LRMDA: variants seen among roughly 807,000 people sequenced by gnomAD.
The protein encoded by LRMDA is leucine rich melanocyte differentiation associated.
In LRMDA, 18 loss-of-function variants were observed where a neutral mutation model predicts 29.8. The ratio of observed to expected loss-of-function variants is 0.60; its 90% CI spans 0.42 to 0.90. The LOEUF is 0.90. LRMDA is among the 40% of genes least tolerant of loss of function. The probability of loss-of-function intolerance (pLI) is 0.00; values close to 1 mark genes in which losing one functional copy is unlikely to be tolerated. For synonymous variants in LRMDA, 125 were observed against 109.4 expected (o/e 1.14, Z -0.89); for missense variants, 273 against 273.9 (o/e 1.00, Z 0.02).
At chr10:75,650,070 GC>G (rs1172498790) in intron 2 of LRMDA, among the ~76,000 whole-genome samples, 1 of 152,142 alleles carries the variant, frequency 6.6e-6, no homozygotes, top group Non-Finnish European at 1.5e-5. Context: ...TCCATAGGTT[GC>G]CTTTGTACTC....
intron 2 of LRMDA, among the ~76,000 whole-genome samples, chr10:76,027,483 G>A (rs1022128577): frequency 3.9e-5 from 6 of 152,220 alleles, no homozygotes; most frequent in East Asian, 1.9e-4. Context: ...GGGGGTTAAC[G>A]GTATGTATCT....
chr10:75,925,689 C>CA (rs2132395021), intron 2 of LRMDA, among the ~76,000 whole-genome samples: 1 of 140,528 alleles, frequency 7.1e-6, no homozygotes, highest in Non-Finnish European at 1.6e-5. Context: ...TTTTTGGAGA[C>CA]AGAGTCTCGC....
chr10:75,560,329 CTGTT>C (rs1159515327), intron 2 of LRMDA, among the ~76,000 whole-genome samples: 8 of 151,898 alleles, frequency 5.3e-5, no homozygotes, highest in Non-Finnish European at 4.4e-5. Context: ...ATTTGGCTCT[CTGTT>C]TGTCTGTTAT....
intron 2 of LRMDA, among the ~76,000 whole-genome samples, chr10:75,928,992 G>T (rs1846165110): frequency 6.6e-6 from 1 of 152,210 alleles, no homozygotes; most frequent in South Asian, 2.1e-4. Context: ...AACATAGGTT[G>T]TCAAACCACC....
At chr10:75,668,684 C>T (rs1411736773) in intron 2 of LRMDA, among the ~76,000 whole-genome samples, 1 of 152,090 alleles carries the variant, frequency 6.6e-6, no homozygotes, top group Non-Finnish European at 1.5e-5. Flanking sequence ...AACTTTAGTG[C>T]TAAACTTCAC....
At chr10:76,374,912 A>G (rs1054499013) in intron 6 of LRMDA, among the ~76,000 whole-genome samples, 2 of 152,170 alleles carry the variant, frequency 1.3e-5, no homozygotes, top group African/African-American at 4.8e-5. Flanking sequence ...TTGGATTTTT[A>G]TAAAGATTTT....
chr10:75,886,292 C>T (rs140158986), intron 2 of LRMDA, among the ~76,000 whole-genome samples: 8 of 152,314 alleles, frequency 5.3e-5, no homozygotes, highest in African/African-American at 1.9e-4. Flanking sequence ...TTTGGCTGAA[C>T]AGTGTATGGA....
intron 6 of LRMDA, among the ~76,000 whole-genome samples, chr10:76,482,098 A>C (rs1279007587): frequency 6.6e-6 from 1 of 151,870 alleles, no homozygotes; most frequent in Non-Finnish European, 1.5e-5. Flanking sequence ...CTTGGTTCAT[A>C]ACATGATAAT....
At chr10:75,963,924 T>C (rs776062844) in intron 2 of LRMDA, among the ~76,000 whole-genome samples, 113 of 152,248 alleles carry the variant, frequency 7.4e-4, no homozygotes, top group Non-Finnish European at 1.5e-3. Context: ...GGTGGCAGGC[T>C]TGCTTTAATC....
At chr10:76,382,333 G>T (rs1289283930) in intron 6 of LRMDA, among the ~76,000 whole-genome samples, 6 of 152,194 alleles carry the variant, frequency 3.9e-5, no homozygotes, top group African/African-American at 1.4e-4. Context: ...TGAGTTATGA[G>T]TTGAGAATGA....
intron 2 of LRMDA, chr10:75,882,804 C>G (rs1845316863): frequency 6.6e-6 from 1 of 152,350 alleles, no homozygotes; most frequent in Admixed American, 6.5e-5. Flanking sequence ...TCCTCTCCCC[C>G]TTCCAGGGCC....
In LRMDA at chr10:76,363,215, A is replaced by AGAGAGAG. The variant is rs1554815873; in HGVS notation, c.601+38730_601+38731insGAGAGAG. Among the ~76,000 whole-genome samples, 27 of 25,002 alleles carry AGAGAGAG rather than the reference A, an allele frequency of 1.1e-3. 6 individuals are homozygous for AGAGAGAG. The highest frequency in any genetic ancestry group is 3.6e-3 in the African/African-American group (17 of 4,676). 16.4% of individuals were successfully genotyped at this position (25,002 alleles called of 152,430 possible). A position where few individuals can be genotyped will look rare whatever the true frequency, so the allele number is the denominator to read the frequency against. ...GAGGGAGGGAGGGAGGGAGGGAAGG[A>AGAGAGAG]AGAGAAAGAAAGAAAGAAAGAAAGA... On this transcript the variant is annotated intron_variant, in intron 6 of 6. Coordinates refer to ENST00000611255, the MANE Select transcript of LRMDA (RefSeq NM_001305581.2).
intron 6 of LRMDA, among the ~76,000 whole-genome samples, chr10:76,547,015 C>T (rs1843427910): frequency 1.3e-5 from 2 of 152,090 alleles, no homozygotes; most frequent in African/African-American, 4.8e-5. Context: ...ACCAGGTACC[C>T]TGAGAGGGAA....
At chr10:76,051,493 G>C (rs1848531001) in intron 4 of LRMDA, among the ~76,000 whole-genome samples, 1 of 152,216 alleles carries the variant, frequency 6.6e-6, no homozygotes, top group Admixed American at 6.5e-5. Context: ...TCATCTCTCT[G>C]AGCATCTGCA....
At chr10:75,862,845 G>C (rs1222798975) in intron 2 of LRMDA, among the ~76,000 whole-genome samples, 4 of 152,152 alleles carry the variant, frequency 2.6e-5, no homozygotes, top group African/African-American at 7.2e-5. Flanking sequence ...TTGCATATTA[G>C]CATGGTGTCT....
chr10:75,522,794 G>C (rs190674728), intron 2 of LRMDA, among the ~76,000 whole-genome samples: 31 of 152,324 alleles, frequency 2.0e-4, no homozygotes, highest in Admixed American at 5.2e-4. Flanking sequence ...GGAGAGGTGG[G>C]GAAAGGGCTG....
intron 4 of LRMDA, among the ~76,000 whole-genome samples, chr10:76,055,798 C>T (rs917970609): frequency 4.6e-5 from 7 of 152,218 alleles, no homozygotes; most frequent in African/African-American, 1.4e-4. Context: ...CACTGGGGAA[C>T]GTGGTGGCAC....
At chr10:75,696,036 A>T (rs1842229630) in intron 2 of LRMDA, among the ~76,000 whole-genome samples, 1 of 152,200 alleles carries the variant, frequency 6.6e-6, no homozygotes, top group Non-Finnish European at 1.5e-5. Context: ...AAAAGATAAG[A>T]TTAAAAAAAT....
chr10:76,557,156 C>T, intron 6 of LRMDA, 53 bp from the exon 7 acceptor site: 1 of 1,423,598 alleles, frequency 7.0e-7, no homozygotes. Context: ...ACCTGTGTTT[C>T]CCTGCTATGC....
Sources: allele counts gnomAD v4.1 joint callset (sites outside exome capture counted in the v4.1 genomes callset), GRCh38; gene constraint gnomAD v4.1.1; transcripts MANE v1.5; gene names NCBI Gene and HGNC (gene_info 2026-07-23, HGNC 2026-07-21).